IGSF10: variants seen among roughly 807,000 people sequenced by gnomAD.
IGSF10 encodes the protein calvaria mechanical force protein 608.
IGSF10 carries 126 observed loss-of-function variants against 128.2 expected under a neutral mutation model. The observed-to-expected ratio is 0.98, with a 90% CI of 0.85 to 1.14. The LOEUF (loss-of-function observed/expected upper bound fraction) is 1.14. IGSF10 is among the 50% of genes most tolerant of loss of function. The pLI, the probability that IGSF10 is intolerant of heterozygous loss-of-function variation, is 0.00. For missense variants in IGSF10, 3,295 were observed against 3,149.8 expected, an observed-to-expected ratio of 1.05 and a Z score of -1.10; for synonymous variants, 1,185 against 1,146.2, an observed-to-expected ratio of 1.03 and a Z score of -0.68.
At chr3:151,442,547 ATTT>A (rs3975406) in intron 7 of IGSF10, among the ~76,000 whole-genome samples, 1 of 125,532 alleles carries the variant, frequency 8.0e-6, no homozygotes, top group African/African-American at 3.2e-5. Flanking sequence ...TGCCCGGCTA[ATTT>A]TTTTTTTTTT....
chr3:151,543,413 T>C, the IGSF10 span, among the ~76,000 whole-genome samples: 1 of 152,198 alleles, frequency 6.6e-6, no homozygotes, highest in African/African-American at 2.4e-5. Flanking sequence ...CCCCCACACC[T>C]GCAGCTGCAC....
At chr3:151,609,990 A>G in the IGSF10 span, among the ~76,000 whole-genome samples, 4 of 152,196 alleles carry the variant, frequency 2.6e-5, no homozygotes, top group Non-Finnish European at 5.9e-5. Context: ...AATCTAAAAT[A>G]AAAATTGAAA....
the IGSF10 span, among the ~76,000 whole-genome samples, chr3:151,506,988 A>C: frequency 6.6e-6 from 1 of 152,226 alleles, no homozygotes; most frequent in Admixed American, 6.5e-5. Flanking sequence ...CAAAATTATC[A>C]GTTAAATATA....
Position 151,446,038 on chromosome 3 carries a change from G to A in IGSF10, c.3943C>T (p.Gln1315Ter), listed in dbSNP as rs780347663. Residue 1315 changes from glutamine to a stop codon, truncating the protein, a stop_gained, in exon 6 of 8, where the codon CAA becomes TAA. Coordinates refer to ENST00000282466, the MANE Select transcript of IGSF10 (RefSeq NM_178822.5). LOFTEE classifies it high-confidence loss of function. ...GGAGTTGTTGCTGGTATTGCTGTTTGCGTTGATATGATGCTTTTTGTACTT... is the reference window on the plus strand; with the variant it reads ...GGAGTTGTTGCTGGTATTGCTGTTTACGTTGATATGATGCTTTTTGTACTT... ...DSSTKSIIST[Q>*]TAIPATTPTF... 1.2e-6 allele frequency: 2 copies of A among 1,614,114 alleles called. No homozygotes were observed. Among genetic ancestry groups the A allele is most frequent in the Admixed American group, 3.3e-5 (2 of 59,996 alleles).
At chr3:151,434,283 TATAA>T (rs1719848366), downstream of IGSF10, 1 of 152,198 alleles carries the variant, frequency 6.6e-6, no homozygotes, top group Non-Finnish European at 1.5e-5. Context: ...AATCATTATC[TATAA>T]ATAATTTATA....
the IGSF10 span, among the ~76,000 whole-genome samples, chr3:151,567,172 C>T: frequency 1.3e-5 from 2 of 152,180 alleles, no homozygotes; most frequent in Admixed American, 6.5e-5. Flanking sequence ...AGATTATATG[C>T]AGTTGAGACA....
chr3:151,513,725 T>C, the IGSF10 span, among the ~76,000 whole-genome samples: 5 of 152,296 alleles, frequency 3.3e-5, no homozygotes, highest in East Asian at 5.8e-4. Context: ...GAAAACCCCA[T>C]TGTCTCAGCC....
At chr3:151,600,684 C>T in the IGSF10 span, among the ~76,000 whole-genome samples, 2 of 152,078 alleles carry the variant, frequency 1.3e-5, no homozygotes, top group African/African-American at 4.8e-5. Context: ...GTCGAATTGA[C>T]CTCCAAAATT....
the IGSF10 span, among the ~76,000 whole-genome samples, chr3:151,614,684 G>A: frequency 2.7e-4 from 41 of 152,152 alleles, no homozygotes; most frequent in Non-Finnish European, 5.0e-4. Context: ...GGTGGGGAGA[G>A]GGGGGAGGGA....
chr3:151,432,943 A>C (rs1384616247), downstream of IGSF10: 4 of 100,600 alleles, frequency 4.0e-5, no homozygotes, highest in Admixed American at 1.8e-4. Flanking sequence ...ACATCTCACA[A>C]AAAAAAAAAA....
At chr3:151,513,286 C>T in the IGSF10 span, among the ~76,000 whole-genome samples, 10 of 152,048 alleles carry the variant, frequency 6.6e-5, no homozygotes, top group African/African-American at 1.9e-4. Flanking sequence ...TGGGCTTCAT[C>T]CCTGGGATGC....
the IGSF10 span, among the ~76,000 whole-genome samples, chr3:151,506,230 G>A: frequency 4.6e-5 from 7 of 152,126 alleles, no homozygotes; most frequent in Non-Finnish European, 8.8e-5. Flanking sequence ...TGGGATTATA[G>A]GCATGAGCCA....
chr3:151,472,707 A>G, the IGSF10 span, among the ~76,000 whole-genome samples: 1 of 152,300 alleles, frequency 6.6e-6, no homozygotes, highest in East Asian at 1.9e-4. Flanking sequence ...GATATAACTA[A>G]GTACTGCAAG....
At chr3:151,483,952 A>G in the IGSF10 span, among the ~76,000 whole-genome samples, 1 of 152,194 alleles carries the variant, frequency 6.6e-6, no homozygotes. Flanking sequence ...AGCAAGACAG[A>G]ACTGTTCACT....
the IGSF10 span, among the ~76,000 whole-genome samples, chr3:151,569,771 A>G: frequency 6.6e-6 from 1 of 152,186 alleles, no homozygotes; most frequent in African/African-American, 2.4e-5. Context: ...TCTAGAGTAC[A>G]GGTGCACAGC....
chr3:151,459,995 C>T (rs1276277874), intron 2 of IGSF10, among the ~76,000 whole-genome samples: 1 of 152,188 alleles, frequency 6.6e-6, no homozygotes, highest in East Asian at 1.9e-4. Context: ...CATATGACCA[C>T]TTTTGCCATC....
chr3:151,614,760 A>C, the IGSF10 span, among the ~76,000 whole-genome samples: 1 of 152,188 alleles, frequency 6.6e-6, no homozygotes, highest in Non-Finnish European at 1.5e-5. Context: ...AACATGGCAC[A>C]TGTATATATA....
the IGSF10 span, among the ~76,000 whole-genome samples, chr3:151,565,374 G>A: frequency 1.3e-5 from 2 of 152,110 alleles, no homozygotes; most frequent in South Asian, 2.1e-4. Flanking sequence ...TAACCCAGAA[G>A]TACAAAAAGT....
chr3:151,582,481 T>C, the IGSF10 span, among the ~76,000 whole-genome samples: 1 of 152,146 alleles, frequency 6.6e-6, no homozygotes, highest in Non-Finnish European at 1.5e-5. Context: ...TTGACTTTTA[T>C]GTAAATGGAA....
Sources: allele counts gnomAD v4.1 joint callset (sites outside exome capture counted in the v4.1 genomes callset), GRCh38; gene constraint gnomAD v4.1.1; transcripts MANE v1.5; gene names NCBI Gene and HGNC (gene_info 2026-07-23, HGNC 2026-07-21).